BACH2: variants seen among roughly 807,000 people sequenced by gnomAD.
The protein encoded by BACH2 is transcription regulator protein BACH2.
A neutral mutation model predicts 61.8 loss-of-function variants in BACH2; 5 were observed. The observed-to-expected ratio is 0.08, with a 90% CI of 0.04 to 0.17. The LOEUF is 0.17. Ranked by LOEUF, BACH2 falls within the 10% of genes least tolerant of loss-of-function variation. BACH2 has a pLI of 1.00. For missense variants in BACH2, 824 were observed against 1,091.1 expected (o/e 0.76, Z 3.45); for synonymous variants, 446 against 440.1 (o/e 1.01, Z -0.17).
chr6:90,165,375 G>C (rs1270931058), intron 4 of BACH2, among the ~76,000 whole-genome samples: 2 of 152,114 alleles, frequency 1.3e-5, no homozygotes, highest in Non-Finnish European at 2.9e-5. Context: ...ACCTCTTCAA[G>C]AACTACAAAC....
intron 5 of BACH2, among the ~76,000 whole-genome samples, chr6:90,054,245 G>A (rs547976110): frequency 1.3e-4 from 20 of 152,302 alleles, no homozygotes; most frequent in African/African-American, 4.8e-4. Flanking sequence ...GACGGCACCT[G>A]GAAAATCAGG....
chr6:90,068,606 C>A (rs1349868313), intron 5 of BACH2, among the ~76,000 whole-genome samples: 2 of 151,672 alleles, frequency 1.3e-5, no homozygotes, highest in African/African-American at 4.8e-5. Flanking sequence ...ACACCATGCT[C>A]CATAAAAGGT....
At chr6:90,290,596 T>C (rs1321792495) in intron 1 of BACH2, among the ~76,000 whole-genome samples, 2 of 152,208 alleles carry the variant, frequency 1.3e-5, no homozygotes, top group Non-Finnish European at 2.9e-5. Context: ...CAAAAATCTA[T>C]GGATACTGAA....
At chr6:90,010,522 T>G (rs1777652394) in intron 5 of BACH2, among the ~76,000 whole-genome samples, 1 of 152,228 alleles carries the variant, frequency 6.6e-6, no homozygotes, top group African/African-American at 2.4e-5. Context: ...TTGGGTTGTT[T>G]CCAGTATTTA....
At chr6:90,268,451 C>T (rs1305631967) in intron 2 of BACH2, among the ~76,000 whole-genome samples, 2 of 152,200 alleles carry the variant, frequency 1.3e-5, no homozygotes, top group Admixed American at 6.5e-5. Context: ...TCGAACTGGA[C>T]TCTGCAGACC....
At chr6:90,144,872 A>T (rs1228019861) in intron 4 of BACH2, among the ~76,000 whole-genome samples, 2 of 152,226 alleles carry the variant, frequency 1.3e-5, no homozygotes, top group Admixed American at 1.3e-4. Context: ...ATTGTAAAAC[A>T]CTTCTCTTCC....
rs751985212 is a variant in BACH2 at position 89,951,375 on chromosome 6, T to C, written c.731A>G (p.Asn244Ser). Reference protein sequence around the residue: ...YQLACTKNVYNASSHSTSGFA... With the variant: ...YQLACTKNVYSASSHSTSGFA... ...ACCTGAGGTACTGTGTGATGATGCA[T>C]TATAGACATTCTTGGTACATGCAAG... Residue 244 changes from asparagine (N) to serine (S), a missense_variant, in exon 7 of 9, where the codon AAT (asparagine) becomes AGT (serine). Transcript: ENST00000257749. This position sits in a 1 kb window ranked among gnomAD's most constrained non-coding sequence, Gnocchi z 6.4. The C allele has an allele frequency of 4.2e-5, 67 of 1,614,132 alleles. No homozygotes were observed. The highest frequency in any genetic ancestry group is 5.6e-5 in the Non-Finnish European group (66 of 1,180,058).
intron 1 of BACH2, among the ~76,000 whole-genome samples, chr6:90,280,513 T>C (rs1207081878): frequency 6.6e-6 from 1 of 152,216 alleles, no homozygotes; most frequent in Non-Finnish European, 1.5e-5. Context: ...AATTTTCAGT[T>C]GAACATACAG....
intron 4 of BACH2, among the ~76,000 whole-genome samples, chr6:90,117,993 G>C (rs954961736): frequency 1.4e-4 from 22 of 151,952 alleles, no homozygotes; most frequent in Admixed American, 1.3e-3. Context: ...AACTTATAAA[G>C]TATTCTGCAG....
At chr6:90,051,901 T>C (rs1404516160) in intron 5 of BACH2, among the ~76,000 whole-genome samples, 1 of 152,230 alleles carries the variant, frequency 6.6e-6, no homozygotes, top group Non-Finnish European at 1.5e-5. Context: ...TTCATTATCA[T>C]TCAATTCTAA....
intron 4 of BACH2, among the ~76,000 whole-genome samples, chr6:90,178,066 C>T (rs1768037372): frequency 1.3e-5 from 2 of 152,142 alleles, no homozygotes; most frequent in Non-Finnish European, 2.9e-5. Flanking sequence ...GCCAGAAACA[C>T]GCTTTCTATA....
intron 2 of BACH2, among the ~76,000 whole-genome samples, chr6:90,269,766 A>G (rs1771461701): frequency 6.6e-6 from 1 of 152,250 alleles, no homozygotes; most frequent in South Asian, 2.1e-4. Context: ...CAGTGTGTTC[A>G]TAAGATGCTT....
At chr6:90,239,524 G>C (rs1770366942) in intron 3 of BACH2, among the ~76,000 whole-genome samples, 1 of 152,184 alleles carries the variant, frequency 6.6e-6, no homozygotes. Flanking sequence ...TAGCCACCCT[G>C]TAAGGTGTTA....
intron 5 of BACH2, among the ~76,000 whole-genome samples, chr6:90,027,869 GA>G (rs1214192340): frequency 1.1e-4 from 16 of 152,326 alleles, no homozygotes; most frequent in African/African-American, 3.8e-4. Flanking sequence ...CTTATGAAAA[GA>G]AAGTTAATTT....
chr6:90,064,878 C>T (rs1450859641), intron 5 of BACH2, among the ~76,000 whole-genome samples: 2 of 152,194 alleles, frequency 1.3e-5, no homozygotes, highest in African/African-American at 4.8e-5. Context: ...ATTTAATATA[C>T]TCCCTTCCTC....
At chr6:90,207,530 G>T (rs990742865) in intron 3 of BACH2, among the ~76,000 whole-genome samples, 1 of 152,130 alleles carries the variant, frequency 6.6e-6, no homozygotes, top group African/African-American at 2.4e-5. Context: ...ACTGAGAGGA[G>T]AGCAAAATAT....
chr6:90,110,332 G>T (rs1335095302), intron 4 of BACH2, among the ~76,000 whole-genome samples: 1 of 152,094 alleles, frequency 6.6e-6, no homozygotes, highest in Non-Finnish European at 1.5e-5. Flanking sequence ...TTTTTACTTT[G>T]TTAATATTAA....
chr6:90,102,240 C>T (rs976313409), intron 4 of BACH2, among the ~76,000 whole-genome samples: 26 of 152,066 alleles, frequency 1.7e-4, no homozygotes, highest in African/African-American at 5.6e-4. Context: ...ATTCCTACTG[C>T]TGCTGACAGC....
chr6:89,967,170 C>A (rs1458267141), intron 6 of BACH2, among the ~76,000 whole-genome samples: 1 of 152,118 alleles, frequency 6.6e-6, no homozygotes, highest in African/African-American at 2.4e-5. Flanking sequence ...CAGAATGGTA[C>A]CTTGGAGGCT....
Sources: allele counts gnomAD v4.1 joint callset (sites outside exome capture counted in the v4.1 genomes callset), GRCh38; gene constraint gnomAD v4.1.1; non-coding constraint Gnocchi (gnomAD v3.1); transcripts MANE v1.5; gene names NCBI Gene and HGNC (gene_info 2026-07-23, HGNC 2026-07-21).